The following DENND3 variants were observed in gnomAD, a reference collection of about 807,000 sequenced individuals.
DENND3 encodes DENN domain containing 3, also known as DENN domain-containing protein 3.
A neutral mutation model predicts 135.1 loss-of-function variants in DENND3; 88 were observed. That is an observed-to-expected ratio of 0.65 (90% CI 0.55 to 0.78). The LOEUF is 0.78. DENND3 is among the 30% of genes least tolerant of loss of function. DENND3 has a pLI of 0.00. For missense variants in DENND3, 1,392 were observed against 1,688.4 expected, an observed-to-expected ratio of 0.82 and a Z score of 3.08; for synonymous variants, 693 against 712.3, an observed-to-expected ratio of 0.97 and a Z score of 0.43.
intron 1 of DENND3, among the ~76,000 whole-genome samples, chr8:141,131,076 C>T (rs774214108): frequency 6.6e-5 from 10 of 152,078 alleles, no homozygotes; most frequent in South Asian, 2.1e-4. Flanking sequence ...AACAGAGGTC[C>T]GGAGGTATGA....
At chr8:141,158,297 A>T (rs1039245284) in intron 8 of DENND3, 4 of 1,283,722 alleles carry the variant, frequency 3.1e-6, no homozygotes, top group Non-Finnish European at 4.1e-6. Flanking sequence ...GGTAAGCCAC[A>T]GCTGCTTCCT....
chr8:141,171,901 G>A (rs1821623502), intron 13 of DENND3, among the ~76,000 whole-genome samples: 1 of 151,752 alleles, frequency 6.6e-6, no homozygotes, highest in Non-Finnish European at 1.5e-5. Flanking sequence ...TGCACAGTGG[G>A]TGTGCACAGT....
intron 5 of DENND3, among the ~76,000 whole-genome samples, chr8:141,148,394 T>A (rs1818407438): frequency 6.6e-6 from 1 of 152,194 alleles, no homozygotes. Flanking sequence ...ACAGCCCCAC[T>A]CTGCGCTCAC....
intron 9 of DENND3, 84 bp from the exon 10 acceptor site, chr8:141,163,249 A>G (rs1271284688): frequency 2.7e-6 from 2 of 729,790 alleles, no homozygotes; most frequent in Non-Finnish European, 4.6e-6. Context: ...TATCTCTTCT[A>G]ACCATTTCTC....
At chr8:141,147,370 C>T (rs995024614) in intron 5 of DENND3, among the ~76,000 whole-genome samples, 6 of 152,228 alleles carry the variant, frequency 3.9e-5, no homozygotes, top group African/African-American at 9.6e-5. Context: ...AGTTTCTCAC[C>T]GTCTACCTTC....
rs1472680870 is a variant in DENND3, at chr8:141,192,509, C to T, written c.3499-17C>T. The stretch of plus-strand genomic sequence containing the variant: ...GTGGCCCGGGGCCCATAGCCCACAC[C>T]GTGCCCTGCGTTTCAGGAGGAGCAG... On this transcript the variant is annotated splice_polypyrimidine_tract_variant and intron_variant, in intron 21 of 22. Transcript: ENST00000519811. 12 of 1,603,900 alleles carry T rather than the reference C, an allele frequency of 7.5e-6. No individual in the cohort carries two copies. Among genetic ancestry groups the T allele is most frequent in the East Asian group, 4.5e-5 (2 of 44,770 alleles).
At chr8:141,189,958 T>C (rs1037143395) in intron 19 of DENND3, among the ~76,000 whole-genome samples, 1 of 152,198 alleles carries the variant, frequency 6.6e-6, no homozygotes, top group Non-Finnish European at 1.5e-5. Flanking sequence ...GGTCATGTCA[T>C]GGCTCTATGA....
At position 141,137,959 on chromosome 8, in the gene DENND3, C is replaced by G; in HGVS notation, c.386-63C>G. ...GTCCTAAACACTGTGAAGAAATCAG[C>G]TCGTGGGTAACCCAGGCCACTTGGC... On this transcript the variant is annotated intron_variant, in intron 2 of 22. Transcript: ENST00000519811. The surrounding 1 kb of genome is among the most constrained non-coding windows in gnomAD (Gnocchi z 4.1). 6.6e-7 allele frequency: 1 copy of G among 1,519,770 alleles called. No homozygotes were observed. The highest frequency in any genetic ancestry group is 1.2e-5 in the South Asian group (1 of 82,534). 94.1% of individuals were successfully genotyped at this position (1,519,770 alleles called of 1,614,324 possible).
chr8:141,162,744 T>C (rs971176133), intron 9 of DENND3, among the ~76,000 whole-genome samples: 1 of 152,144 alleles, frequency 6.6e-6, no homozygotes, highest in Non-Finnish European at 1.5e-5. Flanking sequence ...TGAAACCCCA[T>C]CTCTACTAAA....
intron 4 of DENND3, chr8:141,142,556 G>T (rs1226073103): frequency 1.1e-5 from 4 of 351,202 alleles, no homozygotes; most frequent in Non-Finnish European, 2.2e-5. Context: ...GACATAGTTT[G>T]GGTCTAGCCT....
rs1288041563 is a variant in DENND3 at position 141,137,962 on chromosome 8, G to A, written c.386-60G>A. ...CTAAACACTGTGAAGAAATCAGCTC[G>A]TGGGTAACCCAGGCCACTTGGCAAG... On this transcript the variant is annotated intron_variant, in intron 2 of 22. Coordinates refer to ENST00000519811, the MANE Select transcript of DENND3 (RefSeq NM_001352890.3). The surrounding 1 kb of genome is among the most constrained non-coding windows in gnomAD (Gnocchi z 4.1). The A allele has an allele frequency of 3.9e-6, 6 of 1,529,944 alleles. No homozygotes were observed. Among genetic ancestry groups the A allele is most frequent in the Non-Finnish European group, 5.3e-6 (6 of 1,128,266 alleles). The allele number at this position is 1,529,944 out of a possible 1,614,324, so 94.8% of individuals were successfully genotyped here.
intron 13 of DENND3, among the ~76,000 whole-genome samples, chr8:141,172,784 G>A (rs959503490): frequency 3.9e-5 from 6 of 152,158 alleles, no homozygotes; most frequent in Admixed American, 3.3e-4. Flanking sequence ...CTTGGCTCAC[G>A]CCTGTGATCC....
chr8:141,166,416 T>C lies in DENND3; in HGVS notation c.1753+27T>C. 6.3e-7 allele frequency: 1 copy of C among 1,595,716 alleles called. No individual in the cohort carries two copies. The highest frequency in any genetic ancestry group is 2.2e-5 in the East Asian group (1 of 44,686). Reference sequence around the variant, plus strand: ...TGAGGGCTGCCCCCCACTGTGGTGCTGTGTGTCGGTCCCACCATTCCTGCA... The same window carrying C: ...TGAGGGCTGCCCCCCACTGTGGTGCCGTGTGTCGGTCCCACCATTCCTGCA... On this transcript the variant is annotated intron_variant, in intron 12 of 22. Transcript: ENST00000519811. This position sits in a 1 kb window ranked among gnomAD's most constrained non-coding sequence, Gnocchi z 4.3.
chr8:141,170,117 G>A lies in DENND3; in HGVS notation c.2275+1592G>A, dbSNP rs1173444237. On this transcript the variant is annotated intron_variant, in intron 13 of 22. Transcript: ENST00000519811. ...CACTGACGTCACAAACAGTGCACGT[G>A]CTTGGAAGCAGTTCTGGTTTCTTTT... 3.3e-5 allele frequency among the ~76,000 whole-genome samples: 5 copies of A among 152,370 alleles called. No homozygotes were observed. The South Asian group carries it at 8.3e-4, about 25-fold the overall frequency.
At chr8:141,158,257 G>A (rs565181252) in intron 8 of DENND3, 53 of 1,289,178 alleles carry the variant, frequency 4.1e-5, no homozygotes, top group Admixed American at 9.2e-5. Context: ...AAGGAGACAC[G>A]TGCTTTCCCA....
Position 141,128,923 on chromosome 8 carries a change from AG to A in DENND3, c.102+115del. On this transcript the variant is annotated intron_variant, in intron 1 of 22. Coordinates refer to ENST00000519811, the MANE Select transcript of DENND3 (RefSeq NM_001352890.3). The surrounding 1 kb of genome is among the most constrained non-coding windows in gnomAD (Gnocchi z 4.5). ...GTTGGCGCGGACTTTCCGAGGGCTG[AG>A]TCCCGGTCCCCCGGCGGTGACCCCG... 1 of 784,922 alleles carries A rather than the reference AG, an allele frequency of 1.3e-6. No homozygotes were observed. Among genetic ancestry groups the A allele is most frequent in the Admixed American group, 4.3e-5 (1 of 23,166 alleles). 48.6% of individuals were successfully genotyped at this position (784,922 alleles called of 1,614,324 possible).
Position 141,168,095 on chromosome 8 carries a change from C to T in DENND3, c.1845C>T (p.Ala615=). The stretch of plus-strand genomic sequence containing the variant: ...GCAAGTGCGTGCAGGCATACCATGC[C>T]CACTTTGTCTCCATGCTGAGCGAGG... ...LESKCVQAYH[A]HFVSMLSEAM... Residue 615 remains alanine (A), a synonymous_variant, in exon 13 of 23, where the codon GCC becomes GCT. Transcript: ENST00000519811. This position sits in a 1 kb window ranked among gnomAD's most constrained non-coding sequence, Gnocchi z 6.2. The T allele has an allele frequency of 6.2e-7, 1 of 1,614,182 alleles. No homozygotes were observed. Among genetic ancestry groups the T allele is most frequent in the Middle Eastern group, 1.7e-4 (1 of 6,052 alleles).
chr8:141,163,907 C>CAAAA (rs1157176340), intron 10 of DENND3, among the ~76,000 whole-genome samples: 4 of 55,940 alleles, frequency 7.2e-5, no homozygotes, highest in African/African-American at 1.6e-4. Flanking sequence ...GACTCCGTCT[C>CAAAA]AAAAAAAAAA....
chr8:141,158,068 A>G (rs959767156), intron 8 of DENND3: 6 of 1,217,864 alleles, frequency 4.9e-6, no homozygotes, highest in African/African-American at 4.7e-5. Flanking sequence ...TCGGAGAACT[A>G]CCTTTATTAT....
Sources: gnomAD v4.1 joint callset for allele counts (sites outside exome capture counted in the v4.1 genomes callset) on GRCh38, gnomAD v4.1.1 for gene constraint, Gnocchi (gnomAD v3.1) non-coding constraint, MANE v1.5 for transcripts, NCBI Gene and HGNC (gene_info 2026-07-23, HGNC 2026-07-21) for gene names.